Variants in SDK1 observed in about 807,000 individuals in gnomAD.
SDK1 encodes protein sidekick-1.
A neutral mutation model predicts 245.5 loss-of-function variants in SDK1; 157 were observed. The ratio of observed to expected loss-of-function variants is 0.64; its 90% confidence interval spans 0.56 to 0.73. The LOEUF (loss-of-function observed/expected upper bound fraction) is 0.73, where lower values mean the gene tolerates loss of function less well. Among genes scored for constraint, SDK1 ranks in the 30% least tolerant of loss-of-function variants. The pLI is 0.00. For missense variants in SDK1, 3,583 were observed against 3,002.3 expected (o/e 1.19, Z -4.52); for synonymous variants, 1,647 against 1,278.5 (o/e 1.29, Z -6.15).
At chr7:3,700,979 A>G (rs947585971) in intron 4 of SDK1, among the ~76,000 whole-genome samples, 1 of 152,172 alleles carries the variant, frequency 6.6e-6, no homozygotes, top group African/African-American at 2.4e-5. Flanking sequence ...GAGAGCGGAC[A>G]TCTTGTGGCT....
intron 22 of SDK1, among the ~76,000 whole-genome samples, chr7:4,100,904 C>G (rs954440084): frequency 2.0e-5 from 3 of 152,144 alleles, no homozygotes; most frequent in African/African-American, 7.2e-5. Context: ...ACTCATCTGC[C>G]CCTCCTTCCC....
At chr7:4,248,700 A>T (rs535018977) in intron 44 of SDK1, among the ~76,000 whole-genome samples, 3 of 152,126 alleles carry the variant, frequency 2.0e-5, no homozygotes, top group East Asian at 3.9e-4. Context: ...ACATACATGC[A>T]CACATGTACA....
intron 13 of SDK1, among the ~76,000 whole-genome samples, chr7:3,984,201 G>T (rs1435877418): frequency 6.6e-6 from 1 of 152,064 alleles, no homozygotes; most frequent in African/African-American, 2.4e-5. Context: ...GGGGGCAGAG[G>T]GATGGAGGGA....
At chr7:3,945,312 G>A (rs961371323) in intron 5 of SDK1, among the ~76,000 whole-genome samples, 6 of 152,100 alleles carry the variant, frequency 3.9e-5, no homozygotes, top group South Asian at 2.1e-4. Flanking sequence ...AAGTGAAGTC[G>A]TCAGTTGACA....
chr7:3,907,062 G>A (rs1778975849), intron 5 of SDK1, among the ~76,000 whole-genome samples: 1 of 152,130 alleles, frequency 6.6e-6, no homozygotes, highest in African/African-American at 2.4e-5. Flanking sequence ...TAGGGTCTGA[G>A]CCAGTGTATT....
At chr7:3,987,610 A>G (rs924906765) in intron 14 of SDK1, among the ~76,000 whole-genome samples, 7 of 152,178 alleles carry the variant, frequency 4.6e-5, no homozygotes, top group African/African-American at 1.4e-4. Context: ...TGTCACTCCC[A>G]GGGCGAGCTG....
At chr7:3,348,262 C>T (rs887075031) in intron 1 of SDK1, among the ~76,000 whole-genome samples, 2 of 152,194 alleles carry the variant, frequency 1.3e-5, no homozygotes, top group African/African-American at 4.8e-5. Context: ...CCCTCTCTGA[C>T]TCAGCTTTTT....
chr7:3,764,922 A>G (rs1780209844), intron 4 of SDK1, among the ~76,000 whole-genome samples: 1 of 152,150 alleles, frequency 6.6e-6, no homozygotes. Flanking sequence ...TTTGGAAAGT[A>G]TTATTTTTCA....
At position 3,684,350 on chromosome 7, in the gene SDK1, C is replaced by G. The variant is rs930199; in HGVS notation, c.713+42245C>G. ...GCAATGGGAGTCAGCCTCCCCTCCC[C>G]CTTCCTGGTGGTTGTAAAGTGCATA... On this transcript the variant is annotated intron_variant, in intron 4 of 44. Coordinates refer to ENST00000404826, the MANE Select transcript of SDK1 (RefSeq NM_152744.4). 4.3e-3 allele frequency among the ~76,000 whole-genome samples: 655 copies of G among 152,226 alleles called. 1 individual carries two copies. Among genetic ancestry groups the G allele is most frequent in the African/African-American group, 0.014 (599 of 41,518 alleles).
chr7:3,591,485 G>C (rs1780874032), intron 1 of SDK1, among the ~76,000 whole-genome samples: 1 of 152,256 alleles, frequency 6.6e-6, no homozygotes. Context: ...TGGCCACGTT[G>C]TGAAAGTCAT....
chr7:4,247,647 G>T lies in SDK1; in HGVS notation c.6381+1842G>T, dbSNP rs183377553. On this transcript the variant is annotated intron_variant, in intron 44 of 44. Coordinates refer to ENST00000404826, the MANE Select transcript of SDK1 (RefSeq NM_152744.4). ...GCTCTTTCGAGTATCCAGGCACCGT[G>T]GGGGTGTCATAGCTGTGGGTGGTTC... Among the ~76,000 whole-genome samples the T allele has an allele frequency of 4.1e-3, 623 of 152,312 alleles. 1 individual carries two copies. Among genetic ancestry groups the T allele is most frequent in the Non-Finnish European group, 6.1e-3 (418 of 68,028 alleles).
intron 35 of SDK1, among the ~76,000 whole-genome samples, chr7:4,185,633 C>T (rs939052001): frequency 3.9e-5 from 6 of 152,168 alleles, no homozygotes; most frequent in African/African-American, 9.7e-5. Context: ...TTCTCTTTCC[C>T]GGGCAGGATT....
At chr7:3,981,423 T>C (rs1173156859) in intron 13 of SDK1, among the ~76,000 whole-genome samples, 1 of 152,058 alleles carries the variant, frequency 6.6e-6, no homozygotes, top group Non-Finnish European at 1.5e-5. Flanking sequence ...TGAGTGTCCA[T>C]GTGAAAGAGA....
intron 4 of SDK1, among the ~76,000 whole-genome samples, chr7:3,691,207 CTT>C (rs1784429562): frequency 2.0e-5 from 3 of 152,086 alleles, no homozygotes; most frequent in Non-Finnish European, 4.4e-5. Flanking sequence ...GAATTCTGGA[CTT>C]TAGATTTGCA....
chr7:3,683,440 A>T (rs1374534974), intron 4 of SDK1, among the ~76,000 whole-genome samples: 1 of 152,104 alleles, frequency 6.6e-6, no homozygotes, highest in Admixed American at 6.6e-5. Context: ...GCCCTGTGAG[A>T]ATACTCATCA....
intron 1 of SDK1, among the ~76,000 whole-genome samples, chr7:3,401,539 A>G (rs773217043): frequency 5.3e-5 from 8 of 152,190 alleles, no homozygotes; most frequent in Admixed American, 1.3e-4. Flanking sequence ...GAAAATAACA[A>G]GACCACTCAT....
chr7:4,067,209 C>T (rs908044039), intron 19 of SDK1, among the ~76,000 whole-genome samples: 8 of 152,228 alleles, frequency 5.3e-5, no homozygotes, highest in East Asian at 3.9e-4. Context: ...CCAGCTTGGA[C>T]GCCAGCGTTC....
In SDK1 at chr7:4,268,249, A is replaced by G. The variant is rs1788590172; in HGVS notation, c.*2865A>G. The G allele has an allele frequency of 3.0e-6, 3 of 997,920 alleles. No individual in the cohort carries two copies. The highest frequency in any genetic ancestry group is 3.6e-6 in the Non-Finnish European group (3 of 837,510). The allele number at this position is 997,920 out of a possible 1,614,324, so 61.8% of individuals were successfully genotyped here. ...AGGATGTGGTCACGGAGTGGCCAGG[A>G]GGCTCCGTCTGAGCCACAGGGATGG... On this transcript the variant is annotated 3_prime_UTR_variant, in exon 45 of 45. Coordinates refer to ENST00000404826, the MANE Select transcript of SDK1 (RefSeq NM_152744.4).
chr7:3,470,178 C>T (rs1163051017), intron 1 of SDK1, among the ~76,000 whole-genome samples: 1 of 152,124 alleles, frequency 6.6e-6, no homozygotes, highest in African/African-American at 2.4e-5. Flanking sequence ...CTAAAAATTT[C>T]CAAGATCCAT....
Sources: allele counts gnomAD v4.1 joint callset (sites outside exome capture counted in the v4.1 genomes callset), GRCh38; gene constraint gnomAD v4.1.1; transcripts MANE v1.5; gene names NCBI Gene and HGNC (gene_info 2026-07-23, HGNC 2026-07-21).